The following LHFPL6 variants were observed in gnomAD, a reference collection of about 807,000 sequenced individuals.
The protein encoded by LHFPL6 is LHFPL tetraspan subfamily member 6, also known as LHFPL tetraspan subfamily member 6 protein.
In LHFPL6, 9 loss-of-function variants were observed where a neutral mutation model predicts 20.6. The ratio of observed to expected loss-of-function variants is 0.44; its 90% CI spans 0.26 to 0.76. The LOEUF (loss-of-function observed/expected upper bound fraction) is 0.76. Among genes scored for constraint, LHFPL6 ranks in the 30% least tolerant of loss-of-function variants. The pLI, the probability that LHFPL6 is intolerant of heterozygous loss-of-function variation, is 0.20. For synonymous variants in LHFPL6, 105 were observed against 98.7 expected (o/e 1.06, Z -0.38); for missense variants, 218 against 253.5 (o/e 0.86, Z 0.95).
chr13:39,350,294 G>A (rs1869526507), intron 3 of LHFPL6, among the ~76,000 whole-genome samples: 1 of 152,302 alleles, frequency 6.6e-6, no homozygotes, highest in South Asian at 2.1e-4. Flanking sequence ...CCAGAATTCT[G>A]TGAGAGATTA....
chr13:39,353,858 G>A (rs1252540272), intron 3 of LHFPL6, among the ~76,000 whole-genome samples: 1 of 152,198 alleles, frequency 6.6e-6, no homozygotes, highest in Admixed American at 6.5e-5. Flanking sequence ...CCTAATGGAT[G>A]TGCCCTGGGG....
chr13:39,574,938 G>C (rs1382212877), intron 2 of LHFPL6, among the ~76,000 whole-genome samples: 1 of 152,116 alleles, frequency 6.6e-6, no homozygotes, highest in African/African-American at 2.4e-5. Context: ...GGGTGTGGTG[G>C]TGCACGCCGG....
chr13:39,428,138 A>G (rs941675771), intron 2 of LHFPL6, among the ~76,000 whole-genome samples: 2 of 152,192 alleles, frequency 1.3e-5, no homozygotes, highest in African/African-American at 4.8e-5. Flanking sequence ...ACCCAGTCTC[A>G]GGTATTTCTT....
In LHFPL6 at chr13:39,484,031, A is replaced by T. The variant is rs574971123; in HGVS notation, c.386-105505T>A. Among the ~76,000 whole-genome samples the T allele has an allele frequency of 4.6e-5, 7 of 152,310 alleles. No homozygotes were observed. In the East Asian group the frequency reaches 9.6e-4, roughly 21 times the overall value. The stretch of plus-strand genomic sequence containing the variant: ...GAAGAGGACAATTCACCTCATCTAC[A>T]TAAGTATTGGCTCTTCTCAAATACT... On this transcript the variant is annotated intron_variant, in intron 2 of 3. Coordinates refer to ENST00000379589, the MANE Select transcript of LHFPL6 (RefSeq NM_005780.3).
chr13:39,348,571 T>C (rs921522971), intron 3 of LHFPL6, among the ~76,000 whole-genome samples: 2 of 152,140 alleles, frequency 1.3e-5, no homozygotes, highest in African/African-American at 4.8e-5. Flanking sequence ...TCCCCACTGT[T>C]TTTTCCTTGG....
intron 2 of LHFPL6, among the ~76,000 whole-genome samples, chr13:39,544,020 A>C (rs1333725699): frequency 6.6e-6 from 1 of 152,210 alleles, no homozygotes; most frequent in East Asian, 1.9e-4. Context: ...ACTATCATAG[A>C]CTTTTATTTC....
chr13:39,518,427 A>G (rs899480501), intron 2 of LHFPL6, among the ~76,000 whole-genome samples: 2 of 152,162 alleles, frequency 1.3e-5, no homozygotes, highest in Admixed American at 6.5e-5. Context: ...ATTTTTTAAC[A>G]CCTTATATTT....
intron 2 of LHFPL6, among the ~76,000 whole-genome samples, chr13:39,405,886 C>T (rs1300287523): frequency 1.3e-5 from 2 of 152,140 alleles, no homozygotes; most frequent in African/African-American, 4.8e-5. Context: ...AGAGACAGCT[C>T]TTTTTCCAAA....
rs1055986106 is a variant in LHFPL6 at position 39,343,744 on chromosome 13, CT to C, written c.*191del. ...TTTTTCTCCATCATTCTATACTCTC[CT>C]TTTTTTTCCCCCACAAATCTCCTAC... On this transcript the variant is annotated 3_prime_UTR_variant, in exon 4 of 4. Transcript: ENST00000379589. 8.7e-5 allele frequency: 45 copies of C among 518,622 alleles called. 1 individual carries two copies. Among genetic ancestry groups the C allele is most frequent in the South Asian group, 2.6e-4 (9 of 34,708 alleles). 32.1% of individuals were successfully genotyped at this position (518,622 alleles called of 1,614,324 possible).
intron 2 of LHFPL6, among the ~76,000 whole-genome samples, chr13:39,427,819 A>C (rs566079324): frequency 6.6e-6 from 1 of 152,344 alleles, no homozygotes; most frequent in East Asian, 1.9e-4. Flanking sequence ...GGCCTGGTGG[A>C]AGATGACTGG....
chr13:39,465,301 C>T (rs574962998), intron 2 of LHFPL6, among the ~76,000 whole-genome samples: 5 of 152,198 alleles, frequency 3.3e-5, no homozygotes, highest in South Asian at 4.1e-4. Flanking sequence ...AGACTGCTAG[C>T]GGCATGCCAA....
intron 2 of LHFPL6, among the ~76,000 whole-genome samples, chr13:39,425,447 G>A (rs539819547): frequency 2.0e-5 from 3 of 152,308 alleles, no homozygotes; most frequent in Admixed American, 2.0e-4. Flanking sequence ...GAGTGGAATG[G>A]TTGAGCCATA....
rs566131685 is a variant in LHFPL6, at chr13:39,387,307, G to A, written c.386-8781C>T. 1.8e-3 allele frequency among the ~76,000 whole-genome samples: 278 copies of A among 152,182 alleles called. 1 individual carries two copies. Among genetic ancestry groups the A allele is most frequent in the African/African-American group, 6.5e-3 (268 of 41,516 alleles). On this transcript the variant is annotated intron_variant, in intron 2 of 3. Transcript: ENST00000379589. ...CTCACGCCTGTAATCCCAGCACTTT[G>A]GGAGGCTGAAGTGCGTGGATCACCA...
intron 2 of LHFPL6, among the ~76,000 whole-genome samples, chr13:39,581,597 CT>C (rs36025782): frequency 0.83 from 116,916 of 141,036 alleles, 48,616 homozygotes; most frequent in East Asian, 0.93. Flanking sequence ...CTCTCTCTCT[CT>C]TTTTTTTTTT....
intron 2 of LHFPL6, among the ~76,000 whole-genome samples, chr13:39,490,101 A>C (rs1017041984): frequency 6.6e-6 from 1 of 152,178 alleles, no homozygotes; most frequent in African/African-American, 2.4e-5. Context: ...CAAACAAAAA[A>C]AAAAACAGGA....
At chr13:39,434,945 A>T (rs998312149) in intron 2 of LHFPL6, among the ~76,000 whole-genome samples, 1 of 150,766 alleles carries the variant, frequency 6.6e-6, no homozygotes, top group Non-Finnish European at 1.5e-5. Context: ...AGTCCCAGCT[A>T]CTCGGGAGGC....
At chr13:39,502,291 G>C (rs1482489499) in intron 2 of LHFPL6, among the ~76,000 whole-genome samples, 2 of 152,224 alleles carry the variant, frequency 1.3e-5, no homozygotes, top group Admixed American at 1.3e-4. Flanking sequence ...TGCTCCTCCT[G>C]ATCATACAAG....
At chr13:39,452,051 T>C (rs1470013867) in intron 2 of LHFPL6, among the ~76,000 whole-genome samples, 3 of 151,706 alleles carry the variant, frequency 2.0e-5, no homozygotes, top group African/African-American at 7.3e-5. Context: ...CCTTACACTT[T>C]AAAGGAACAA....
chr13:39,582,686 C>T (rs1348773076), intron 2 of LHFPL6, among the ~76,000 whole-genome samples: 3 of 152,114 alleles, frequency 2.0e-5, no homozygotes, highest in East Asian at 1.9e-4. Context: ...GACAGACAGA[C>T]GATGACCTTG....
Sources: gnomAD v4.1 joint callset for allele counts (sites outside exome capture counted in the v4.1 genomes callset) on GRCh38, gnomAD v4.1.1 for gene constraint, MANE v1.5 for transcripts, NCBI Gene and HGNC (gene_info 2026-07-23, HGNC 2026-07-21) for gene names.